DNALI1: variants seen among roughly 807,000 people sequenced by gnomAD.
DNALI1 encodes dynein axonemal light intermediate chain 1.
Under a neutral mutation model 33.9 loss-of-function variants are expected in DNALI1, and 31 were observed. That is an observed-to-expected ratio of 0.91 (90% CI 0.69 to 1.23). The LOEUF (loss-of-function observed/expected upper bound fraction) is 1.23, where lower values mean the gene tolerates loss of function less well. DNALI1 is among the 50% of genes most tolerant of loss of function. The probability of loss-of-function intolerance (pLI) is 0.00; values close to 1 mark genes in which losing one functional copy is unlikely to be tolerated. For synonymous variants in DNALI1, 117 were observed against 129.2 expected (o/e 0.91, Z 0.64); for missense variants, 305 against 323.8 (o/e 0.94, Z 0.44).
chr1:37,562,253 A>G lies in DNALI1; in HGVS notation c.741+8A>G, dbSNP rs1487778458. On this transcript the variant is annotated splice_region_variant and intron_variant, in intron 5 of 5. Transcript: ENST00000652629. The surrounding 1 kb of genome is among the most constrained non-coding windows in gnomAD (Gnocchi z 5.8). ...ACAAATCAGCAGCTGAAGGTAATCA[A>G]CGCGCAGGGTGGGGTGGAGGTGCCC... The G allele has an allele frequency of 1.9e-6, 3 of 1,609,372 alleles. No individual in the cohort carries two copies. Among genetic ancestry groups the G allele is most frequent in the East Asian group, 2.2e-5 (1 of 44,680 alleles).
In DNALI1 at chr1:37,559,480, C is replaced by G. The variant is rs753887145; in HGVS notation, c.381C>G (p.Leu127=). The change falls in exon 3 of 6, where the codon CTC becomes CTG. Residue 127 remains leucine, a synonymous_variant. Coordinates refer to ENST00000652629, the MANE Select transcript of DNALI1 (RefSeq NM_003462.5). This position sits in a 1 kb window ranked among gnomAD's most constrained non-coding sequence, Gnocchi z 5.3. ...ETGICPVRRE[L]YSQCFDELIR... ...GCATCTGCCCTGTCCGCAGGGAACT[C>G]TACTCACAGTGTTTTGGTGAGTGAG... 1 of 1,609,694 alleles carries G rather than the reference C, an allele frequency of 6.2e-7. No homozygotes were observed.
chr1:37,562,177 C>A lies in DNALI1; in HGVS notation c.673C>A (p.Arg225=), dbSNP rs148524948. 1 of 1,613,884 alleles carries A rather than the reference C, an allele frequency of 6.2e-7. No homozygotes were observed. The highest frequency in any genetic ancestry group is 1.1e-5 in the South Asian group (1 of 91,050). The part of the protein sequence containing the change: ...EATEKRESER[R]QVEEKKHNEE... The stretch of plus-strand genomic sequence containing the variant: ...CACTGAGAAGCGGGAGAGCGAGAGG[C>A]GGCAGGTGGAGGAGAAGAAGCACAA... The change falls in exon 5 of 6, where the codon CGG becomes AGG. Residue 225 remains arginine (R), a synonymous_variant. Transcript: ENST00000652629. The surrounding 1 kb of genome is among the most constrained non-coding windows in gnomAD (Gnocchi z 5.8).
intron 5 of DNALI1, among the ~76,000 whole-genome samples, chr1:37,563,637 T>C (rs1643465262): frequency 6.6e-6 from 1 of 152,102 alleles, no homozygotes; most frequent in Admixed American, 6.5e-5. Context: ...ATTACAGGCA[T>C]GTGCCAGCAC....
intron 1 of DNALI1, 103 bp downstream of exon 1, chr1:37,557,178 C>T: frequency 6.5e-7 from 1 of 1,542,280 alleles, no homozygotes; most frequent in Non-Finnish European, 8.8e-7. Flanking sequence ...GGGATTGCAG[C>T]GACTGGGAGT....
intron 2 of DNALI1, 39 bp downstream of exon 2, chr1:37,557,787 C>CT: frequency 6.2e-7 from 1 of 1,609,588 alleles, no homozygotes; most frequent in Non-Finnish European, 8.5e-7. Context: ...AAGGCCTAAG[C>CT]TTTTACATCG....
chr1:37,566,716 T>G lies in DNALI1; in HGVS notation c.*1655T>G. The G allele has an allele frequency of 2.7e-6, 2 of 746,616 alleles. No individual in the cohort carries two copies. Among genetic ancestry groups the G allele is most frequent in the South Asian group, 3.6e-5 (2 of 55,560 alleles). 46.2% of individuals were successfully genotyped at this position (746,616 alleles called of 1,614,324 possible). ...TCCTTAAGGTTGAGGAGGCTTTATT[T>G]CCCTAGCACTGGTGAAGGGCTTCAA... On this transcript the variant is annotated 3_prime_UTR_variant, in exon 6 of 6. Transcript: ENST00000652629.
At chr1:37,557,153 G>A (rs1325364158) in intron 1 of DNALI1, 78 bp downstream of exon 1, 3 of 1,599,934 alleles carry the variant, frequency 1.9e-6, no homozygotes, top group African/African-American at 2.7e-5. Flanking sequence ...GGAGGGTCAG[G>A]AATCTCAAGG....
At chr1:37,560,296 A>G (rs72657799) in intron 3 of DNALI1, among the ~76,000 whole-genome samples, 7,748 of 152,298 alleles carry the variant, frequency 0.051, 289 homozygotes, top group Non-Finnish European at 0.077. Flanking sequence ...CCACCAGGCC[A>G]TATTTCAGGC....
chr1:37,565,319 G>A lies in DNALI1; in HGVS notation c.*258G>A. 1.9e-6 allele frequency: 1 copy of A among 520,356 alleles called. No individual in the cohort carries two copies. Among genetic ancestry groups the A allele is most frequent in the South Asian group, 2.4e-5 (1 of 41,978 alleles). The allele number at this position is 520,356 out of a possible 1,614,324, so 32.2% of individuals were successfully genotyped here. ...ATGGTGTGGCCCTGTTAGTCTCCGT[G>A]TGTGGCTTACTAGCCAGCCTTGGGA... On this transcript the variant is annotated 3_prime_UTR_variant, in exon 6 of 6. Coordinates refer to ENST00000652629, the MANE Select transcript of DNALI1 (RefSeq NM_003462.5).
intron 2 of DNALI1, chr1:37,557,959 T>C: frequency 1.6e-6 from 1 of 614,698 alleles, no homozygotes; most frequent in Non-Finnish European, 2.7e-6. Context: ...TGTCACCCAA[T>C]CTCATGGCTT....
At chr1:37,564,882 A>C in intron 5 of DNALI1, 144 bp from the exon 6 acceptor site, 1 of 814,852 alleles carries the variant, frequency 1.2e-6, no homozygotes, top group Non-Finnish European at 2.1e-6. Context: ...TAATCTAGAA[A>C]ATATGGATTT....
intron 3 of DNALI1, among the ~76,000 whole-genome samples, chr1:37,560,268 G>A (rs1033070232): frequency 3.3e-5 from 5 of 152,176 alleles, no homozygotes; most frequent in South Asian, 2.1e-4. Flanking sequence ...GCTGAGGGAC[G>A]GTCAGGTCTT....
chr1:37,557,032 C>G lies in DNALI1; in HGVS notation c.38C>G (p.Thr13Ser), dbSNP rs1570035771. 1.2e-6 allele frequency: 2 copies of G among 1,614,216 alleles called. No individual in the cohort carries two copies. The highest frequency in any genetic ancestry group is 4.5e-5 in the East Asian group (2 of 44,880). The change falls in exon 1 of 6, where the codon ACC (threonine) becomes AGC (serine). Residue 13 changes from threonine to serine, a missense_variant. By Grantham distance (58) the Thr-to-Ser change is moderately conservative. Transcript: ENST00000652629. ...PPADSLLKYDTPVLVSRNTEK... is the reference protein window; with the variant it reads ...PPADSLLKYDSPVLVSRNTEK... ...GCAGACTCTTTGCTCAAGTACGACA[C>G]CCCAGTGCTGGTGAGCCGGAACACG... is the stretch of plus-strand genomic sequence containing the variant.
chr1:37,559,261 C>G lies in DNALI1; in HGVS notation c.228-66C>G, dbSNP rs1643407784. 6.8e-7 allele frequency: 1 copy of G among 1,479,602 alleles called. No homozygotes were observed. Among genetic ancestry groups the G allele is most frequent in the African/African-American group, 1.4e-5 (1 of 70,068 alleles). 91.7% of individuals were successfully genotyped at this position (1,479,602 alleles called of 1,614,324 possible). ...ACTCAGGCAGAGGGCTCAAAGGGCCCTCTGCTCATGTGCTAGGGACCTTCA... is the reference window on the plus strand; with the variant it reads ...ACTCAGGCAGAGGGCTCAAAGGGCCGTCTGCTCATGTGCTAGGGACCTTCA... On this transcript the variant is annotated intron_variant, in intron 2 of 5. Coordinates refer to ENST00000652629, the MANE Select transcript of DNALI1 (RefSeq NM_003462.5). The surrounding 1 kb of genome is among the most constrained non-coding windows in gnomAD (Gnocchi z 5.3).
chr1:37,565,389 A>C lies in DNALI1; in HGVS notation c.*328A>C. 1 of 316,408 alleles carries C rather than the reference A, an allele frequency of 3.2e-6. No individual in the cohort carries two copies. Among genetic ancestry groups the C allele is most frequent in the Non-Finnish European group, 5.9e-6 (1 of 170,678 alleles). The allele number at this position is 316,408 out of a possible 1,614,324, so 19.6% of individuals were successfully genotyped here. ...AGAAAGCCACTGCTTTCTCATCATC[A>C]CTCTATACCAATACTTATTTCTGGC... On this transcript the variant is annotated 3_prime_UTR_variant, in exon 6 of 6. Transcript: ENST00000652629.
At chr1:37,557,856 C>T in intron 2 of DNALI1, 108 bp downstream of exon 2, 2 of 1,502,094 alleles carry the variant, frequency 1.3e-6, no homozygotes, top group Non-Finnish European at 1.8e-6. Flanking sequence ...GGGTTTCCTC[C>T]CAGTATCACA....
chr1:37,562,093 GA>G lies in DNALI1; in HGVS notation c.590del (p.Glu197GlyfsTer11), dbSNP rs1304585830. 2 of 1,613,992 alleles carry G rather than the reference GA, an allele frequency of 1.2e-6. No homozygotes were observed. Among genetic ancestry groups the G allele is most frequent in the Non-Finnish European group, 1.7e-6 (2 of 1,179,966 alleles). ...ATTCTCTCCTCAGATCGCAGAATTG[GA>G]GACGGAAAAGAGAGACCTGGAGAGG... ...SDMERKIAEL[E>X]TEKRDLERQV... On this transcript the variant is annotated frameshift_variant, in exon 5 of 6. Coordinates refer to ENST00000652629, the MANE Select transcript of DNALI1 (RefSeq NM_003462.5). LOFTEE classifies it high-confidence loss of function. The surrounding 1 kb of genome is among the most constrained non-coding windows in gnomAD (Gnocchi z 5.8).
intron 1 of DNALI1, 53 bp downstream of exon 1, chr1:37,557,128 G>T: frequency 6.2e-7 from 1 of 1,612,212 alleles, no homozygotes; most frequent in South Asian, 1.1e-5. Flanking sequence ...GATAGGGAAA[G>T]ACACATTCCC....
rs905718426 is a variant in DNALI1 at position 37,559,741 on chromosome 1, G to T, written c.397+245G>T. Among the ~76,000 whole-genome samples, 1 of 152,184 alleles carries T rather than the reference G, an allele frequency of 6.6e-6. No homozygotes were observed. ...CAGGCAGGAGGAGAGACTAAGAAAA[G>T]AAATAAGACACAGACAAAGTATAGA... On this transcript the variant is annotated intron_variant, in intron 3 of 5. Coordinates refer to ENST00000652629, the MANE Select transcript of DNALI1 (RefSeq NM_003462.5). The surrounding 1 kb of genome is among the most constrained non-coding windows in gnomAD (Gnocchi z 5.3).
Sources: allele counts gnomAD v4.1 joint callset (sites outside exome capture counted in the v4.1 genomes callset), GRCh38; gene constraint gnomAD v4.1.1; non-coding constraint Gnocchi (gnomAD v3.1); transcripts MANE v1.5; gene names NCBI Gene and HGNC (gene_info 2026-07-23, HGNC 2026-07-21).